Variants in KRT10 observed in about 807,000 individuals in gnomAD.
KRT10 encodes keratin 10.
Under a neutral mutation model 59.2 loss-of-function variants are expected in KRT10, and 40 were observed. The observed-to-expected ratio is 0.68, with a 90% CI of 0.52 to 0.88. The LOEUF (loss-of-function observed/expected upper bound fraction) is 0.88. KRT10 is among the 40% of genes least tolerant of loss of function. The pLI is 0.00. For synonymous variants in KRT10, 336 were observed against 310.7 expected (o/e 1.08, Z -0.86); for missense variants, 719 against 749.1 (o/e 0.96, Z 0.47).
chr17:40,819,912 C>T, intron 5 of KRT10, 137 bp downstream of exon 5: 5 of 1,192,162 alleles, frequency 4.2e-6, no homozygotes, highest in Non-Finnish European at 6.2e-6. Context: ...TAGTACTTTT[C>T]CTCCATTAAC....
At position 40,822,383 on chromosome 17, in the gene KRT10, C is replaced by A; in HGVS notation, c.203G>T (p.Gly68Val). 4 of 1,610,948 alleles carry A rather than the reference C, an allele frequency of 2.5e-6. No homozygotes were observed. Among genetic ancestry groups the A allele is most frequent in the Non-Finnish European group, 3.4e-6 (4 of 1,177,984 alleles). The change falls in exon 1 of 8, where the codon GGG becomes GTG. Residue 68 changes from glycine to valine, a missense_variant. Gly to Val is a moderately radical substitution (Grantham distance 109). Transcript: ENST00000269576. ...TCCTCCATAGCCACCTGATGAGCCCCCAAAGCAGCCCCCACCAGAGCTCCC... is the reference window on the plus strand; with the variant it reads ...TCCTCCATAGCCACCTGATGAGCCCACAAAGCAGCCCCCACCAGAGCTCCC... ...SRGSSGGGCF[G>V]GSSGGYGGLG...
chr17:40,822,196 GCCT>G lies in KRT10; in HGVS notation c.387_389del (p.Gly130del), dbSNP rs750486566. On this transcript the variant is annotated inframe_deletion, in exon 1 of 8. Transcript: ENST00000269576. ...CATCTCCTCCAAATCCACCACCAAA[GCCT>G]CCTCCAAAGCCGCCTCCACCAAAGC... 5.6e-6 allele frequency: 9 copies of G among 1,613,518 alleles called. No individual in the cohort carries two copies. The highest frequency in any genetic ancestry group is 6.8e-6 in the Non-Finnish European group (8 of 1,179,746).
rs938085922 is a variant in KRT10, at chr17:40,820,493, G to A, written c.867+18C>T. On this transcript the variant is annotated intron_variant, in intron 3 of 7. Transcript: ENST00000269576. ...ATGAACTCTCTTTTGGCTGGGAAAA[G>A]TATAACTTTTGTGTCACCTCCTCGT... 6 of 1,614,200 alleles carry A rather than the reference G, an allele frequency of 3.7e-6. No homozygotes were observed. The highest frequency in any genetic ancestry group is 5.1e-6 in the Non-Finnish European group (6 of 1,180,028).
At chr17:40,819,807 A>G in intron 5 of KRT10, 73 bp from the exon 6 acceptor site, 1 of 1,309,906 alleles carries the variant, frequency 7.6e-7, no homozygotes, top group Non-Finnish European at 1.1e-6. Flanking sequence ...TTGATTATTT[A>G]GTAAGGCATT....
rs146957992 is a variant in KRT10 at position 40,822,539 on chromosome 17, C to T, written c.47G>A (p.Ser16Asn). The T allele has an allele frequency of 1.1e-4, 179 of 1,607,798 alleles. No homozygotes were observed. The highest frequency in any genetic ancestry group is 3.3e-4 in the Middle Eastern group (2 of 6,082). ...SSSKHYSSSR[S>N]GGGGGGGGCG... ...TCCTCCTCCTCCTCCTCCTCCTCCA[C>T]TGCGGGAGGAAGAGTAGTGCTTGCT... is the stretch of plus-strand genomic sequence containing the variant. The change falls in exon 1 of 8, where the codon AGT (serine) becomes AAT (asparagine). Residue 16 changes from serine to asparagine, a missense_variant. Ser to Asn is a conservative substitution (Grantham distance 46). Transcript: ENST00000269576.
intron 5 of KRT10, 151 bp downstream of exon 5, chr17:40,819,898 C>T: frequency 9.1e-7 from 1 of 1,094,796 alleles, no homozygotes. Flanking sequence ...TAGATCAACA[C>T]TAGTAGTACT....
rs964466598 is a variant in KRT10 at position 40,819,874 on chromosome 17, A to G, written c.1156-140T>C. 11 of 1,096,916 alleles carry G rather than the reference A, an allele frequency of 1.0e-5. No homozygotes were observed. In the South Asian group the frequency reaches 1.4e-4, roughly 14 times the overall value. 67.9% of individuals were successfully genotyped at this position (1,096,916 alleles called of 1,614,324 possible). ...GTTGTATGTTTAATGGCACCATTTC[A>G]GTTTCAGCACTTTTAGATCAACACT... On this transcript the variant is annotated intron_variant, in intron 5 of 7. Coordinates refer to ENST00000269576, the MANE Select transcript of KRT10 (RefSeq NM_000421.5).
intron 2 of KRT10, 38 bp from the exon 3 acceptor site, chr17:40,820,705 TATAGGGGAG>T: frequency 6.2e-7 from 1 of 1,608,512 alleles, no homozygotes; most frequent in Non-Finnish European, 8.5e-7. Flanking sequence ...TTATAACTTA[TATAGGGGAG>T]ATGTATCTGG....
Position 40,822,354 on chromosome 17 carries a change from C to T in KRT10, c.232G>A (p.Gly78Arg). The T allele has an allele frequency of 1.2e-6, 2 of 1,604,074 alleles. No homozygotes were observed. The highest frequency in any genetic ancestry group is 1.7e-6 in the Non-Finnish European group (2 of 1,174,416). ...GGSSGGYGGL[G>R]GFGGGSFRGS... Reference sequence around the variant, plus strand: ...CGAAAGCTACCTCCACCAAAACCTCCTAATCCTCCATAGCCACCTGATGAG... The same window carrying T: ...CGAAAGCTACCTCCACCAAAACCTCTTAATCCTCCATAGCCACCTGATGAG... Residue 78 changes from glycine (G) to arginine (R), a missense_variant, in exon 1 of 8, where the codon GGA becomes AGA. Physicochemically the swap from Gly to Arg is moderately radical, Grantham distance 125. This residue lies in a region of KRT10 where 176 missense variants were observed against 175.7 expected (regional missense o/e 1.00). Coordinates refer to ENST00000269576, the MANE Select transcript of KRT10 (RefSeq NM_000421.5).
chr17:40,820,000 T>C, intron 5 of KRT10, 49 bp downstream of exon 5: 2 of 1,608,400 alleles, frequency 1.2e-6, no homozygotes, highest in Non-Finnish European at 1.7e-6. Context: ...TAGGTGAGCA[T>C]GAAACTTTGT....
chr17:40,819,529 T>G lies in KRT10; in HGVS notation c.1361A>C (p.Glu454Ala). The change falls in exon 6 of 8, where the codon GAA (glutamate) becomes GCA (alanine). Residue 454 changes from glutamate to alanine, a missense_variant. Physicochemically the swap from Glu to Ala is moderately radical, Grantham distance 107 (BLOSUM62 -1). Transcript: ENST00000269576. ...TTTTAAAATTTACCTTCCCTCTCCT[T>G]CTAGCAGGCTGCGGTAGGTTTGAAT... is the stretch of plus-strand genomic sequence containing the variant. The part of the protein sequence containing the change: ...NEIQTYRSLL[E>A]GEGSSGGGGR... 1 of 1,613,890 alleles carries G rather than the reference T, an allele frequency of 6.2e-7. No individual in the cohort carries two copies. The highest frequency in any genetic ancestry group is 1.1e-5 in the South Asian group (1 of 91,080).
In KRT10 at chr17:40,820,118, T is replaced by C; in HGVS notation, c.1086A>G (p.Lys362=). Residue 362 remains lysine, a synonymous_variant, in exon 5 of 8, where the codon AAA becomes AAG. Transcript: ENST00000269576. ...DNNIEQISSY[K]SEITELRRNV... Reference sequence around the variant, plus strand: ...TACGTCTCAATTCAGTAATCTCAGATTTATAGCTGGATATCTGTTCAATGT... The same window carrying C: ...TACGTCTCAATTCAGTAATCTCAGACTTATAGCTGGATATCTGTTCAATGT... 1 of 1,613,804 alleles carries C rather than the reference T, an allele frequency of 6.2e-7. No individual in the cohort carries two copies. Among genetic ancestry groups the C allele is most frequent in the Non-Finnish European group, 8.5e-7 (1 of 1,179,760 alleles).
Position 40,820,324 on chromosome 17 carries a change from T to C in KRT10, c.967A>G (p.Ser323Gly). 6.2e-7 allele frequency: 1 copy of C among 1,614,246 alleles called. No homozygotes were observed. The highest frequency in any genetic ancestry group is 8.5e-7 in the Non-Finnish European group (1 of 1,180,048). The change falls in exon 4 of 8, where the codon AGC becomes GGC. Residue 323 changes from serine to glycine, a missense_variant. By Grantham distance (56) the Ser-to-Gly change is moderately conservative. Transcript: ENST00000269576. ...TGTTCAGCAAGTTGTTCATATTGGC[T>C]TCTCATGTTATTCAGAAGTTGAGTC... Reference protein sequence around the residue: ...DLTQLLNNMRSQYEQLAEQNR... With the variant: ...DLTQLLNNMRGQYEQLAEQNR...
rs1247962352 is a variant in KRT10, at chr17:40,819,033, C to T, written c.1502G>A (p.Gly501Asp). 5.9e-5 allele frequency: 82 copies of T among 1,379,258 alleles called. No homozygotes were observed. The highest frequency in any genetic ancestry group is 7.6e-5 in the African/African-American group (5 of 65,672). 85.4% of individuals were successfully genotyped at this position (1,379,258 alleles called of 1,614,324 possible). ...GGAGCTTCCGCCGCCGGAGCTTCCG[C>T]CTCCGTAGCCGCCGCCGGAACTGCC... is the stretch of plus-strand genomic sequence containing the variant. ...HGGSSGGGYG[G>D]GSSGGGSSGG... The change falls in exon 7 of 8, where the codon GGC becomes GAC. Residue 501 changes from glycine (G) to aspartate (D), a missense_variant. By Grantham distance (94) the Gly-to-Asp change is moderately conservative. Transcript: ENST00000269576.
In KRT10 at chr17:40,822,162, G is replaced by A. The variant is rs1031046887; in HGVS notation, c.424C>T (p.Leu142Phe). Residue 142 changes from leucine to phenylalanine, a missense_variant, in exon 1 of 8, where the codon CTC becomes TTC. Around this residue, in one of 4 missense-constraint regions of KRT10, gnomAD observed 176 missense variants for 175.7 expected, o/e 1.00. Transcript: ENST00000269576. ...ATGGTTACTTTTTCATTTCCAGAGAGAAGGCCACCATCTCCTCCAAATCCA... is the reference window on the plus strand; with the variant it reads ...ATGGTTACTTTTTCATTTCCAGAGAAAAGGCCACCATCTCCTCCAAATCCA... ...GGGFGGDGGL[L>F]SGNEKVTMQN... The A allele has an allele frequency of 6.2e-7, 1 of 1,613,944 alleles. No individual in the cohort carries two copies. Among genetic ancestry groups the A allele is most frequent in the Non-Finnish European group, 8.5e-7 (1 of 1,179,978 alleles).
intron 5 of KRT10, 65 bp from the exon 6 acceptor site, chr17:40,819,799 G>A: frequency 7.3e-7 from 1 of 1,362,198 alleles, no homozygotes; most frequent in Non-Finnish European, 1.1e-6. Context: ...ACGCTTATTT[G>A]ATTATTTAGT....
chr17:40,819,018 CCGCCGGAG>C lies in KRT10; in HGVS notation c.1509_1516del (p.Ser503ArgfsTer75). ...CCCGTAGCCGCCGCCGGAGCTTCCG[CCGCCGGAG>C]CTTCCGCCTCCGTAGCCGCCGCCGG... On this transcript the variant is annotated frameshift_variant, in exon 7 of 8. Coordinates refer to ENST00000269576, the MANE Select transcript of KRT10 (RefSeq NM_000421.5). LOFTEE classifies it high-confidence loss of function. 1.5e-6 allele frequency: 2 copies of C among 1,374,048 alleles called. 1 individual carries two copies. Among genetic ancestry groups the C allele is most frequent in the Non-Finnish European group, 1.9e-6 (2 of 1,054,298 alleles). The allele number at this position is 1,374,048 out of a possible 1,614,324, so 85.1% of individuals were successfully genotyped here.
rs764225659 is a variant in KRT10 at position 40,818,929 on chromosome 17, C to T, written c.1606G>A (p.Gly536Ser). The T allele has an allele frequency of 5.3e-6, 7 of 1,327,028 alleles. No homozygotes were observed. Among genetic ancestry groups the T allele is most frequent in the African/African-American group, 4.2e-5 (2 of 47,560 alleles). The allele number at this position is 1,327,028 out of a possible 1,614,324, so 82.2% of individuals were successfully genotyped here. ...SSGGYGGGSS[G>S]GGGGGYGGGS... is the part of the protein sequence containing the mutation. ...CCCCCGTAGCCGCCGCCGCCGCCGC[C>T]GGAACTGCCACCACCGTAGCCGCCG... is the stretch of plus-strand genomic sequence containing the variant. The change falls in exon 7 of 8, where the codon GGC becomes AGC. Residue 536 changes from glycine to serine, a missense_variant. Gly to Ser is a moderately conservative substitution (Grantham distance 56). Transcript: ENST00000269576.
rs946636021 is a variant in KRT10 at position 40,820,145 on chromosome 17, A to G, written c.1059T>C (p.Asn353=). The G allele has an allele frequency of 1.9e-6, 3 of 1,613,820 alleles. No homozygotes were observed. Among genetic ancestry groups the G allele is most frequent in the Admixed American group, 3.3e-5 (2 of 60,010 alleles). ...TATAGCTGGATATCTGTTCAATGTT[A>G]TTATCAATTTCTGTAGTCAGTTCCT... ...KSKELTTEID[N]NIEQISSYKS... Residue 353 remains asparagine (N), a synonymous_variant, in exon 5 of 8, where the codon AAT becomes AAC. Transcript: ENST00000269576.
Sources: gnomAD v4.1 joint callset for allele counts on GRCh38, gnomAD v4.1.1 for gene constraint, gnomAD v4.1.1 regional missense constraint, MANE v1.5 for transcripts, NCBI Gene and HGNC (gene_info 2026-07-23, HGNC 2026-07-21) for gene names.